Variants in ZNF618 observed in about 807,000 individuals in gnomAD.
The protein encoded by ZNF618 is neural precursor cell expressed, developmentally down-regulated 10.
A neutral mutation model predicts 103.0 loss-of-function variants in ZNF618; 34 were observed. That is an observed-to-expected ratio of 0.33 (90% CI 0.25 to 0.44). The LOEUF (loss-of-function observed/expected upper bound fraction) is 0.44. Among genes scored for constraint, ZNF618 ranks in the 20% least tolerant of loss-of-function variants. The probability of loss-of-function intolerance (pLI) is 1.00; values close to 1 mark genes in which losing one functional copy is unlikely to be tolerated. For synonymous variants in ZNF618, 551 were observed against 542.2 expected, an observed-to-expected ratio of 1.02 and a Z score of -0.23; for missense variants, 1,059 against 1,295.4, an observed-to-expected ratio of 0.82 and a Z score of 2.80.
intron 8 of ZNF618, 27 bp downstream of exon 8, chr9:114,008,406 C>T (rs1841944554): frequency 1.2e-6 from 2 of 1,614,046 alleles, no homozygotes; most frequent in Non-Finnish European, 1.7e-6. Context: ...TGCTTGTCAC[C>T]TCCCCTGTCC....
At chr9:113,970,987 G>A (rs966807260) in intron 2 of ZNF618, among the ~76,000 whole-genome samples, 9 of 147,000 alleles carry the variant, frequency 6.1e-5, no homozygotes, top group African/African-American at 1.8e-4. Flanking sequence ...TGCCAGTGAT[G>A]TGGAGACAGG....
At chr9:113,913,513 G>A (rs961594520) in intron 1 of ZNF618, among the ~76,000 whole-genome samples, 4 of 152,266 alleles carry the variant, frequency 2.6e-5, no homozygotes, top group African/African-American at 9.6e-5. Flanking sequence ...ACCCTTGGAG[G>A]TATGAAAGCA....
chr9:113,906,554 A>G (rs1383756098), intron 1 of ZNF618, among the ~76,000 whole-genome samples: 1 of 152,210 alleles, frequency 6.6e-6, no homozygotes, highest in Non-Finnish European at 1.5e-5. Flanking sequence ...CAAATGCCAC[A>G]TAATGTTCCA....
chr9:114,048,523 C>T, intron 14 of ZNF618, 128 bp from the exon 15 acceptor site: 1 of 989,798 alleles, frequency 1.0e-6, no homozygotes, highest in South Asian at 1.7e-5. Context: ...CCAGCACCAC[C>T]CATGTGTGTG....
In ZNF618 at chr9:114,016,801, G is replaced by GGTAGGGAT; in HGVS notation, c.844+19_844+26dup. The GGTAGGGAT allele has an allele frequency of 6.3e-7, 1 of 1,596,102 alleles. No homozygotes were observed. The highest frequency in any genetic ancestry group is 1.1e-5 in the South Asian group (1 of 89,362). On this transcript the variant is annotated intron_variant, in intron 10 of 14. Coordinates refer to ENST00000374126, the MANE Select transcript of ZNF618 (RefSeq NM_001318042.2). The stretch of plus-strand genomic sequence containing the variant: ...CCCCCATCAGTGAGTACCTCCTCCC[G>GGTAGGGAT]GTAGGGATGGGGGTTGGGGGACCCG...
Position 113,928,358 on chromosome 9 carries a change from G to A in ZNF618, c.34-40759G>A, listed in dbSNP as rs1293478993. 3.3e-5 allele frequency among the ~76,000 whole-genome samples: 5 copies of A among 152,160 alleles called. No individual in the cohort carries two copies. The South Asian group carries it at 6.2e-4, about 19-fold the overall frequency. On this transcript the variant is annotated intron_variant, in intron 1 of 14. Coordinates refer to ENST00000374126, the MANE Select transcript of ZNF618 (RefSeq NM_001318042.2). ...CATTAGAACCCTAAACATATTAATCGTAGTTATTTACAATTGCTTATCTGA... is the reference window on the plus strand; with the variant it reads ...CATTAGAACCCTAAACATATTAATCATAGTTATTTACAATTGCTTATCTGA...
At chr9:114,012,371 A>G (rs922866597) in intron 9 of ZNF618, among the ~76,000 whole-genome samples, 2 of 151,438 alleles carry the variant, frequency 1.3e-5, no homozygotes, top group East Asian at 3.9e-4. Context: ...GAGAGAGAGC[A>G]AGCTTTCTGG....
intron 1 of ZNF618, among the ~76,000 whole-genome samples, chr9:113,955,417 T>C (rs931831713): frequency 6.6e-6 from 1 of 152,170 alleles, no homozygotes; most frequent in African/African-American, 2.4e-5. Flanking sequence ...ATCTTTCATT[T>C]CTTCATGGGC....
intron 1 of ZNF618, among the ~76,000 whole-genome samples, chr9:113,906,775 T>C (rs1831029369): frequency 6.6e-6 from 1 of 152,206 alleles, no homozygotes; most frequent in African/African-American, 2.4e-5. Context: ...AGGTTTTAAG[T>C]GACAGAAACT....
intron 1 of ZNF618, among the ~76,000 whole-genome samples, chr9:113,899,655 C>T (rs1014716431): frequency 1.3e-5 from 2 of 152,194 alleles, no homozygotes; most frequent in African/African-American, 4.8e-5. Flanking sequence ...AGTAACTGGT[C>T]CCTGGTACCA....
chr9:113,922,443 CA>C (rs1832727876), intron 1 of ZNF618, among the ~76,000 whole-genome samples: 1 of 148,370 alleles, frequency 6.7e-6, no homozygotes, highest in Non-Finnish European at 1.5e-5. Context: ...CACTGGCAGA[CA>C]GGGGCAGGCC....
chr9:113,912,987 T>G (rs1831697279), intron 1 of ZNF618, among the ~76,000 whole-genome samples: 1 of 152,124 alleles, frequency 6.6e-6, no homozygotes, highest in South Asian at 2.1e-4. Flanking sequence ...ACATTCTGCT[T>G]GGTCTCTGCT....
chr9:113,986,151 C>T (rs10982025), intron 2 of ZNF618, among the ~76,000 whole-genome samples: 2 of 152,270 alleles, frequency 1.3e-5, no homozygotes, highest in East Asian at 1.9e-4. Flanking sequence ...CCAGGCCAGG[C>T]GCTGTGCTGA....
In ZNF618 at chr9:113,928,593, C is replaced by A. The variant is rs555473549; in HGVS notation, c.34-40524C>A. 9.2e-5 allele frequency among the ~76,000 whole-genome samples: 14 copies of A among 152,268 alleles called. No homozygotes were observed. In the East Asian group the frequency reaches 2.5e-3, roughly 27 times the overall value. ...TAGGAACTGTTCTGTGTTTAATGTT[C>A]GCTGTAGCTGGAGATGCCAGAAGCT... On this transcript the variant is annotated intron_variant, in intron 1 of 14. Transcript: ENST00000374126.
Position 114,029,707 on chromosome 9 carries a change from C to G in ZNF618, c.1084+735C>G, listed in dbSNP as rs906083762. ...TAAGCCGGATGGTTGACCTAGATCT[C>G]TGGTCTCTTGCCCTCCCCCTCTGTA... On this transcript the variant is annotated intron_variant, in intron 11 of 14. Coordinates refer to ENST00000374126, the MANE Select transcript of ZNF618 (RefSeq NM_001318042.2). Among the ~76,000 whole-genome samples, 5 of 152,198 alleles carry G rather than the reference C, an allele frequency of 3.3e-5. No homozygotes were observed. The East Asian group carries it at 9.6e-4, about 29-fold the overall frequency.
chr9:113,930,588 C>T (rs78489671), intron 1 of ZNF618, among the ~76,000 whole-genome samples: 4,089 of 152,238 alleles, frequency 0.027, 86 homozygotes, highest in Middle Eastern at 0.054. Context: ...CCTGGTGCCC[C>T]GTGAAGATGA....
chr9:113,956,976 T>C (rs1238176980), intron 1 of ZNF618, among the ~76,000 whole-genome samples: 1 of 152,190 alleles, frequency 6.6e-6, no homozygotes, highest in Non-Finnish European at 1.5e-5. Context: ...AGTACTGTTA[T>C]TATCTGCATT....
intron 2 of ZNF618, among the ~76,000 whole-genome samples, chr9:113,984,070 T>G (rs1198691693): frequency 6.6e-6 from 1 of 152,160 alleles, no homozygotes; most frequent in African/African-American, 2.4e-5. Flanking sequence ...CCCCACCTAC[T>G]CTTAGGACAA....
At chr9:113,894,259 A>C (rs895112093) in intron 1 of ZNF618, among the ~76,000 whole-genome samples, 1 of 152,056 alleles carries the variant, frequency 6.6e-6, no homozygotes, top group Non-Finnish European at 1.5e-5. Context: ...ATGATTCTTC[A>C]TCTTTCAAAA....
Sources: allele counts gnomAD v4.1 joint callset (sites outside exome capture counted in the v4.1 genomes callset), GRCh38; gene constraint gnomAD v4.1.1; transcripts MANE v1.5; gene names NCBI Gene and HGNC (gene_info 2026-07-23, HGNC 2026-07-21).